CFAP44: variants seen among roughly 807,000 people sequenced by gnomAD.
CFAP44 encodes the protein cilia- and flagella-associated protein 44.
Under a neutral mutation model 216.2 loss-of-function variants are expected in CFAP44, and 134 were observed. The ratio of observed to expected loss-of-function variants is 0.62; its 90% CI spans 0.54 to 0.72. CFAP44 has a LOEUF of 0.72. Among genes scored for constraint, CFAP44 ranks in the 30% least tolerant of loss-of-function variants. CFAP44 has a pLI of 0.00. For missense variants in CFAP44, 2,035 were observed against 2,182.1 expected, an observed-to-expected ratio of 0.93 and a Z score of 1.34; for synonymous variants, 700 against 727.6, an observed-to-expected ratio of 0.96 and a Z score of 0.61.
intron 22 of CFAP44, among the ~76,000 whole-genome samples, chr3:113,357,591 C>A (rs1950502747): frequency 6.6e-6 from 1 of 152,188 alleles, no homozygotes; most frequent in African/African-American, 2.4e-5. Context: ...TTGCCTGACA[C>A]TTTGATTTTG....
rs943477252 is a variant in CFAP44 at position 113,308,236 on chromosome 3, C to T, written c.4549G>A (p.Glu1517Lys). Residue 1517 changes from glutamate to lysine, a missense_variant, in exon 29 of 35, where the codon GAA becomes AAA. Physicochemically the swap from Glu to Lys is moderately conservative, Grantham distance 56 (BLOSUM62 1). This residue lies in a region of CFAP44 where 1,883 missense variants were observed against 2,023.7 expected (regional missense o/e 0.93). Transcript: ENST00000393845. ...EDEESEESSEEESSLESDEDE... is the reference protein window; with the variant it reads ...EDEESEESSEKESSLESDEDE... ...TCATCACTCTCCAAGCTAGATTCTT[C>T]TTCACTTGATTCCTCACTCTCCTCA... The T allele has an allele frequency of 6.5e-7, 1 of 1,536,378 alleles. No individual in the cohort carries two copies. Among genetic ancestry groups the T allele is most frequent in the Admixed American group, 2.0e-5 (1 of 50,804 alleles).
At position 113,403,884 on chromosome 3, in the gene CFAP44, C is replaced by A; in HGVS notation, c.1138G>T (p.Val380Phe). 6.2e-7 allele frequency: 1 copy of A among 1,614,028 alleles called. No homozygotes were observed. Among genetic ancestry groups the A allele is most frequent in the Non-Finnish European group, 8.5e-7 (1 of 1,179,940 alleles). The change falls in exon 9 of 35, where the codon GTT becomes TTT. Residue 380 changes from valine (V) to phenylalanine (F), a missense_variant. Val to Phe is a conservative substitution (Grantham distance 50). Coordinates refer to ENST00000393845, the MANE Select transcript of CFAP44 (RefSeq NM_001164496.2). ...TATCCATCTGACCCAACAGTGATAA[C>A]TTCACCCTCATACAGCATTATCTGG... ...INQIMLYEGE[V>F]ITVGSDGYVR...
At chr3:113,340,055 C>CT (rs1950317697) in intron 24 of CFAP44, among the ~76,000 whole-genome samples, 1 of 152,168 alleles carries the variant, frequency 6.6e-6, no homozygotes, top group African/African-American at 2.4e-5. Context: ...GGGGTTGCGG[C>CT]TACCATCATG....
intron 22 of CFAP44, 141 bp from the exon 23 acceptor site, chr3:113,344,853 C>A: frequency 1.4e-6 from 1 of 728,182 alleles, no homozygotes; most frequent in Non-Finnish European, 2.0e-6. Context: ...CATATATATA[C>A]CAACCAGGAT....
At position 113,296,841 on chromosome 3, in the gene CFAP44, G is replaced by A. The variant is rs1372565838; in HGVS notation, c.5122C>T (p.Arg1708Cys). Reference protein sequence around the residue: ...VRQLMISKFGRVVNLEALQTL... With the variant: ...VRQLMISKFGCVVNLEALQTL... ...TGAAGGGCTTCTAGATTTACCACACGGCCAAACTTGCTGATCATGAGCTGC... is the reference window on the plus strand; with the variant it reads ...TGAAGGGCTTCTAGATTTACCACACAGCCAAACTTGCTGATCATGAGCTGC... The change falls in exon 33 of 35, where the codon CGT becomes TGT. Residue 1708 changes from arginine to cysteine, a missense_variant. Coordinates refer to ENST00000393845, the MANE Select transcript of CFAP44 (RefSeq NM_001164496.2). 47 of 1,537,140 alleles carry A rather than the reference G, an allele frequency of 3.1e-5. No homozygotes were observed. The highest frequency in any genetic ancestry group is 3.7e-5 in the Non-Finnish European group (43 of 1,146,918).
intron 28 of CFAP44, among the ~76,000 whole-genome samples, chr3:113,323,115 TGG>T (rs1392470086): frequency 6.6e-6 from 1 of 152,136 alleles, no homozygotes; most frequent in Non-Finnish European, 1.5e-5. Context: ...CCCATACATG[TGG>T]GGATTATGGG....
At chr3:113,383,344 G>T (rs2107340036) in intron 15 of CFAP44, among the ~76,000 whole-genome samples, 1 of 152,216 alleles carries the variant, frequency 6.6e-6, no homozygotes, top group Non-Finnish European at 1.5e-5. Context: ...CATCGATGGT[G>T]GTCTTGTATG....
chr3:113,406,750 A>T (rs1332611770), intron 8 of CFAP44, among the ~76,000 whole-genome samples, 177 bp downstream of exon 8: 1 of 152,226 alleles, frequency 6.6e-6, no homozygotes, highest in African/African-American at 2.4e-5. Flanking sequence ...GGATTATGAC[A>T]ATTTCAGGGA....
At chr3:113,424,993 T>G (rs1488571148) in intron 4 of CFAP44, among the ~76,000 whole-genome samples, 1 of 152,110 alleles carries the variant, frequency 6.6e-6, no homozygotes, top group Non-Finnish European at 1.5e-5. Flanking sequence ...CAGAGCATTG[T>G]GTACTTTAGG....
chr3:113,311,316 A>T (rs933462041), intron 28 of CFAP44, among the ~76,000 whole-genome samples: 2 of 152,198 alleles, frequency 1.3e-5, no homozygotes, highest in Non-Finnish European at 2.9e-5. Flanking sequence ...CTTGAATTGT[A>T]CTCCAATAAT....
intron 33 of CFAP44, 114 bp downstream of exon 33, chr3:113,296,611 G>C (rs979889840): frequency 1.6e-6 from 2 of 1,233,400 alleles, no homozygotes; most frequent in Non-Finnish European, 2.2e-6. Context: ...GCCAAAGGGG[G>C]CTCGCGGACC....
At chr3:113,297,668 T>C (rs1203956136) in intron 32 of CFAP44, among the ~76,000 whole-genome samples, 1 of 152,120 alleles carries the variant, frequency 6.6e-6, no homozygotes, top group Non-Finnish European at 1.5e-5. Context: ...TCTTAGCAAC[T>C]AACTAACATG....
intron 24 of CFAP44, among the ~76,000 whole-genome samples, chr3:113,340,953 G>A (rs750400526): frequency 1.5e-4 from 23 of 152,218 alleles, no homozygotes; most frequent in Non-Finnish European, 1.2e-4. Context: ...CCACTCGGCA[G>A]CCCCAGCCCG....
chr3:113,363,256 C>T lies in CFAP44; in HGVS notation c.2823G>A (p.Val941=). 6.2e-7 allele frequency: 1 copy of T among 1,612,414 alleles called. No individual in the cohort carries two copies. The highest frequency in any genetic ancestry group is 8.5e-7 in the Non-Finnish European group (1 of 1,179,446). ...KREHDKLMKE[V]GEIKARKREQ... is the part of the protein sequence containing the mutation. ...CTCTCTTCCGTGCCTTTATTTCTCC[C>T]ACTTCTTTCATTAACTTGTCATGTT... The change falls in exon 21 of 35, where the codon GTG becomes GTA. Residue 941 remains valine, a synonymous_variant. Transcript: ENST00000393845.
chr3:113,403,485 C>G (rs1375336290), intron 9 of CFAP44, among the ~76,000 whole-genome samples: 1 of 152,194 alleles, frequency 6.6e-6, no homozygotes, highest in Non-Finnish European at 1.5e-5. Flanking sequence ...TAAAAAATAA[C>G]TAACAAATGT....
chr3:113,420,001 T>C lies in CFAP44; in HGVS notation c.570+16A>G, dbSNP rs369723026. 242 of 1,602,654 alleles carry C rather than the reference T, an allele frequency of 1.5e-4. 1 individual carries two copies. The African/African-American group carries it at 2.7e-3, about 18-fold the overall frequency. ...AGGGTTTTTTGGGGTTTTTTTCTAA[T>C]TTATTGAAGGCATACCCCAATGACG... On this transcript the variant is annotated intron_variant, in intron 5 of 34. Coordinates refer to ENST00000393845, the MANE Select transcript of CFAP44 (RefSeq NM_001164496.2).
intron 32 of CFAP44, 134 bp from the exon 33 acceptor site, chr3:113,297,019 T>C (rs1022784812): frequency 2.5e-5 from 27 of 1,093,822 alleles, no homozygotes; most frequent in Non-Finnish European, 3.5e-5. Flanking sequence ...TGATTTTTCT[T>C]CTGTGATTTT....
chr3:113,296,612 CT>C, intron 33 of CFAP44, 112 bp downstream of exon 33: 2 of 1,255,416 alleles, frequency 1.6e-6, no homozygotes, highest in Non-Finnish European at 2.2e-6. Context: ...CCAAAGGGGG[CT>C]CGCGGACCAG....
chr3:113,362,510 C>T (rs1950551011), intron 21 of CFAP44, among the ~76,000 whole-genome samples: 1 of 152,178 alleles, frequency 6.6e-6, no homozygotes, highest in Non-Finnish European at 1.5e-5. Flanking sequence ...CTTTGGGCAG[C>T]CATCCCTATC....
Sources: allele counts gnomAD v4.1 joint callset (sites outside exome capture counted in the v4.1 genomes callset), GRCh38; gene constraint gnomAD v4.1.1; regional missense constraint gnomAD v4.1.1; transcripts MANE v1.5; gene names NCBI Gene and HGNC (gene_info 2026-07-23, HGNC 2026-07-21).